Variants in JPH2 observed in about 807,000 individuals in gnomAD.
JPH2 encodes junctophilin 2, also known as junctophilin-2.
JPH2 carries 38 observed loss-of-function variants against 55.9 expected under a neutral mutation model. The ratio of observed to expected loss-of-function variants is 0.68; its 90% CI spans 0.52 to 0.89. The LOEUF is 0.89. Ranked by LOEUF, JPH2 falls within the 40% of genes least tolerant of loss-of-function variation. JPH2 has a pLI of 0.00. For missense variants in JPH2, 964 were observed against 1,037.6 expected, an observed-to-expected ratio of 0.93 and a Z score of 0.97; for synonymous variants, 480 against 472.4, an observed-to-expected ratio of 1.02 and a Z score of -0.21.
intron 2 of JPH2, among the ~76,000 whole-genome samples, chr20:44,148,679 A>G (rs1035721570): frequency 2.6e-5 from 4 of 151,894 alleles, no homozygotes; most frequent in African/African-American, 9.7e-5. Flanking sequence ...CTCCCCCACA[A>G]TCTAAGGTGG....
At chr20:44,137,344 T>C (rs1381934404) in intron 2 of JPH2, among the ~76,000 whole-genome samples, 22 of 150,930 alleles carry the variant, frequency 1.5e-4, no homozygotes, top group Non-Finnish European at 5.9e-5. Flanking sequence ...CCAGGAGAGC[T>C]TTCTGTGAGC....
intron 1 of JPH2, among the ~76,000 whole-genome samples, chr20:44,163,210 C>T (rs182066275): frequency 2.6e-5 from 4 of 152,202 alleles, no homozygotes; most frequent in Admixed American, 1.3e-4. Context: ...AGAGGTGCTC[C>T]GTTAATATCT....
In JPH2 at chr20:44,110,223, CAT is replaced by C. The variant is rs1240924823; in HGVS notation, c.*3293_*3294del. On this transcript the variant is annotated 3_prime_UTR_variant, in exon 6 of 6. Transcript: ENST00000372980. Reference sequence around the variant, plus strand: ...GCCCCCAACTCATCCAACACACACACATACACACACACACACAGACACACCCC... The same window carrying C: ...GCCCCCAACTCATCCAACACACACACACACACACACACACAGACACACCCC... Among the ~76,000 whole-genome samples, 1 of 151,920 alleles carries C rather than the reference CAT, an allele frequency of 6.6e-6. No homozygotes were observed. The highest frequency in any genetic ancestry group is 2.4e-5 in the African/African-American group (1 of 41,272).
At chr20:44,140,016 C>T (rs866730820) in intron 2 of JPH2, among the ~76,000 whole-genome samples, 26 of 152,118 alleles carry the variant, frequency 1.7e-4, no homozygotes, top group Middle Eastern at 3.4e-3. Flanking sequence ...GGACTACAGG[C>T]GCGTGCCACC....
chr20:44,135,676 T>C (rs1487792056), intron 2 of JPH2, among the ~76,000 whole-genome samples: 1 of 152,204 alleles, frequency 6.6e-6, no homozygotes, highest in Admixed American at 6.5e-5. Flanking sequence ...TGAAAATATT[T>C]AGGCTCACCA....
chr20:44,152,519 AG>A (rs2072538539), intron 2 of JPH2, among the ~76,000 whole-genome samples: 2 of 152,338 alleles, frequency 1.3e-5, no homozygotes, highest in South Asian at 4.1e-4. Context: ...TCCACAAAAA[AG>A]GGGGAAAAAA....
At chr20:44,124,009 G>T (rs2072258332) in intron 2 of JPH2, among the ~76,000 whole-genome samples, 1 of 152,194 alleles carries the variant, frequency 6.6e-6, no homozygotes, top group Admixed American at 6.5e-5. Flanking sequence ...CTGGGTGAGG[G>T]TCTGGAGGAT....
At chr20:44,166,440 G>A (rs902517554) in intron 1 of JPH2, among the ~76,000 whole-genome samples, 2 of 152,196 alleles carry the variant, frequency 1.3e-5, no homozygotes, top group Non-Finnish European at 2.9e-5. Context: ...TAATCTCTGG[G>A]TTGGACAACT....
In JPH2 at chr20:44,181,600, C is replaced by G. The variant is rs111228812; in HGVS notation, c.379+4727G>C. On this transcript the variant is annotated intron_variant, in intron 1 of 5. Coordinates refer to ENST00000372980, the MANE Select transcript of JPH2 (RefSeq NM_020433.5). ...AAGAAAAGGAGGGCAGTGAAGAAGA[C>G]TTCTGAACCTTTGAGGATAAAATGC... 4.5e-3 allele frequency among the ~76,000 whole-genome samples: 684 copies of G among 152,314 alleles called. 2 individuals carry two copies. Among genetic ancestry groups the G allele is most frequent in the Non-Finnish European group, 7.3e-3 (495 of 68,020 alleles).
At position 44,186,688 on chromosome 20, in the gene JPH2, G is replaced by A; in HGVS notation, c.18C>T (p.Phe6=). Reference sequence around the variant, plus strand: ...AGTACGCCCCTCCATCATCAAAGTCGAAGCGGCCCCCACTCATCTCATCAT... The same window carrying A: ...AGTACGCCCCTCCATCATCAAAGTCAAAGCGGCCCCCACTCATCTCATCAT... MSGGR[F]DFDDGGAYCG... Residue 6 remains phenylalanine (F), a synonymous_variant, in exon 1 of 6, where the codon TTC becomes TTT. Coordinates refer to ENST00000372980, the MANE Select transcript of JPH2 (RefSeq NM_020433.5). 1 of 1,593,346 alleles carries A rather than the reference G, an allele frequency of 6.3e-7. No homozygotes were observed. The highest frequency in any genetic ancestry group is 1.1e-5 in the South Asian group (1 of 90,858).
At chr20:44,136,505 A>C (rs1418238962) in intron 2 of JPH2, among the ~76,000 whole-genome samples, 1 of 152,138 alleles carries the variant, frequency 6.6e-6, no homozygotes, top group Non-Finnish European at 1.5e-5. Flanking sequence ...CACCTACTAG[A>C]TGCCCGGCAC....
intron 2 of JPH2, among the ~76,000 whole-genome samples, chr20:44,127,286 G>C (rs756964384): frequency 3.9e-4 from 60 of 152,240 alleles, no homozygotes; most frequent in Non-Finnish European, 7.4e-4. Flanking sequence ...ACAGGTTTTT[G>C]GGTGGACATG....
intron 1 of JPH2, among the ~76,000 whole-genome samples, chr20:44,185,039 G>C (rs894820394): frequency 2.0e-5 from 3 of 152,306 alleles, no homozygotes; most frequent in Non-Finnish European, 4.4e-5. Flanking sequence ...GCTTCCCAAA[G>C]TGCTGAGATT....
chr20:44,185,861 TG>T (rs2072834473), intron 1 of JPH2, among the ~76,000 whole-genome samples: 1 of 150,210 alleles, frequency 6.7e-6, no homozygotes, highest in Non-Finnish European at 1.5e-5. Flanking sequence ...GTGGGTGGAT[TG>T]GTGTGTGGAT....
At chr20:44,151,746 A>T (rs567247611) in intron 2 of JPH2, among the ~76,000 whole-genome samples, 1 of 152,118 alleles carries the variant, frequency 6.6e-6, no homozygotes, top group Non-Finnish European at 1.5e-5. Context: ...TCCACCAGGC[A>T]TTCAAAGCCC....
chr20:44,139,584 T>C (rs917130615), intron 2 of JPH2, among the ~76,000 whole-genome samples: 1 of 152,224 alleles, frequency 6.6e-6, no homozygotes, highest in Non-Finnish European at 1.5e-5. Context: ...AAACAGTATG[T>C]ATATGCTACA....
intron 1 of JPH2, among the ~76,000 whole-genome samples, chr20:44,161,576 C>T (rs1199978656): frequency 6.6e-6 from 1 of 152,172 alleles, no homozygotes; most frequent in Middle Eastern, 3.4e-3. Context: ...TAATAACTGC[C>T]TCTTACCTCC....
chr20:44,160,443 C>T lies in JPH2; in HGVS notation c.380-36G>A. The T allele has an allele frequency of 1.9e-6, 3 of 1,597,664 alleles. No homozygotes were observed. The highest frequency in any genetic ancestry group is 3.8e-4 in the Middle Eastern group (2 of 5,198). On this transcript the variant is annotated intron_variant, in intron 1 of 5. Transcript: ENST00000372980. This position sits in a 1 kb window ranked among gnomAD's most constrained non-coding sequence, Gnocchi z 4.9. ...GGAGAGGGCGCGTCAGTAGGCGGCA[C>T]GACGGGTCCCCGCGTGTGCACGGTG...
chr20:44,131,524 G>T (rs114827435), intron 2 of JPH2, among the ~76,000 whole-genome samples: 2 of 152,140 alleles, frequency 1.3e-5, no homozygotes, highest in African/African-American at 4.8e-5. Flanking sequence ...CTAACACAAT[G>T]GGGATAATAA....
Sources: allele counts gnomAD v4.1 joint callset (sites outside exome capture counted in the v4.1 genomes callset), GRCh38; gene constraint gnomAD v4.1.1; non-coding constraint Gnocchi (gnomAD v3.1); transcripts MANE v1.5; gene names NCBI Gene and HGNC (gene_info 2026-07-23, HGNC 2026-07-21).